Variants in GRIK5 observed in about 807,000 individuals in gnomAD.
GRIK5 encodes the protein glutamate ionotropic receptor kainate type subunit 5.
Under a neutral mutation model 97.4 loss-of-function variants are expected in GRIK5, and 43 were observed. The observed-to-expected ratio is 0.44, with a 90% CI of 0.35 to 0.57. GRIK5 has a LOEUF of 0.57. Among genes scored for constraint, GRIK5 ranks in the 20% least tolerant of loss-of-function variants. The pLI is 0.01. For synonymous variants in GRIK5, 580 were observed against 583.5 expected (o/e 0.99, Z 0.09); for missense variants, 1,015 against 1,382.0 (o/e 0.73, Z 4.21).
chr19:42,011,867 A>G (rs2075566895), intron 15 of GRIK5, among the ~76,000 whole-genome samples: 1 of 151,688 alleles, frequency 6.6e-6, no homozygotes, highest in African/African-American at 2.4e-5. Flanking sequence ...CTAGCTACAC[A>G]GGAGGCTGAG....
chr19:42,049,105 T>G (rs547192922), intron 11 of GRIK5, among the ~76,000 whole-genome samples: 30 of 152,228 alleles, frequency 2.0e-4, no homozygotes, highest in Non-Finnish European at 3.2e-4. Context: ...CCCTTCCTGA[T>G]CATTAGGGAA....
At chr19:42,053,510 G>C in intron 11 of GRIK5, 92 bp downstream of exon 11, 1 of 801,890 alleles carries the variant, frequency 1.2e-6, no homozygotes, top group Non-Finnish European at 2.2e-6. Flanking sequence ...CCTATGCGCT[G>C]TGCCAGCCAA....
intron 15 of GRIK5, among the ~76,000 whole-genome samples, chr19:42,010,403 A>T (rs2075547428): frequency 1.3e-5 from 2 of 152,226 alleles, no homozygotes. Flanking sequence ...AGCAATAAAG[A>T]GAAACATCTT....
chr19:42,059,404 A>C lies in GRIK5; in HGVS notation c.632T>G (p.Val211Gly), dbSNP rs1272345163. Residue 211 changes from valine to glycine, a missense_variant, in exon 6 of 20, where the codon GTG (valine) becomes GGG (glycine). By Grantham distance (109) the Val-to-Gly change is moderately radical (BLOSUM62 -3). Coordinates refer to ENST00000593562, the MANE Select transcript of GRIK5 (RefSeq NM_002088.5). ...PLLKEIRDDK[V>G]STIIIDANAS... is the part of the protein sequence containing the mutation. ...GTTGGCGTCGATGATGATGGTGGAC[A>C]CCTTGTCATCACGGATCTCCTTGAG... 6.2e-7 allele frequency: 1 copy of C among 1,613,668 alleles called. No individual in the cohort carries two copies.
At chr19:42,031,611 A>T (rs548340348) in intron 12 of GRIK5, among the ~76,000 whole-genome samples, 1 of 152,340 alleles carries the variant, frequency 6.6e-6, no homozygotes, top group Admixed American at 6.5e-5. Flanking sequence ...TCAAAATGAT[A>T]TGCCATCCAT....
chr19:42,006,841 G>A lies in GRIK5; in HGVS notation c.1872-31C>T, dbSNP rs1412573119. On this transcript the variant is annotated intron_variant, in intron 15 of 19. Transcript: ENST00000593562. The surrounding 1 kb of genome is among the most constrained non-coding windows in gnomAD (Gnocchi z 5.3). ...GGGTGGGAGGGGTGAGTCACGGGCTGGAGTCACCCCTGCTGACCTGCCCCC... is the reference window on the plus strand; with the variant it reads ...GGGTGGGAGGGGTGAGTCACGGGCTAGAGTCACCCCTGCTGACCTGCCCCC... 5 of 1,544,974 alleles carry A rather than the reference G, an allele frequency of 3.2e-6. No homozygotes were observed. In the East Asian group the frequency reaches 1.1e-4, roughly 35 times the overall value.
At chr19:42,035,391 T>C (rs1343410642) in intron 12 of GRIK5, among the ~76,000 whole-genome samples, 1 of 152,132 alleles carries the variant, frequency 6.6e-6, no homozygotes, top group South Asian at 2.1e-4. Flanking sequence ...TAGTAAGATA[T>C]CATTTTTGCA....
At chr19:42,024,560 T>C (rs2075745578) in intron 12 of GRIK5, among the ~76,000 whole-genome samples, 1 of 152,106 alleles carries the variant, frequency 6.6e-6, no homozygotes, top group South Asian at 2.1e-4. Flanking sequence ...ACTCAGGTGC[T>C]TGGTAATAGG....
At position 42,054,430 on chromosome 19, in the gene GRIK5, TCAC is replaced by T. The variant is rs767145885; in HGVS notation, c.943_945del (p.Val315del). 1 of 1,613,416 alleles carries T rather than the reference TCAC, an allele frequency of 6.2e-7. No individual in the cohort carries two copies. Among genetic ancestry groups the T allele is most frequent in the Non-Finnish European group, 8.5e-7 (1 of 1,180,000 alleles). On this transcript the variant is annotated inframe_deletion, in exon 9 of 20. Coordinates refer to ENST00000593562, the MANE Select transcript of GRIK5 (RefSeq NM_002088.5). The stretch of plus-strand genomic sequence containing the variant: ...CTGCGGTTCAGCTCTCGGACAGCGC[TCAC>T]CACCACGTGCACGGCGTCAAACATC...
intron 6 of GRIK5, 136 bp from the exon 7 acceptor site, chr19:42,057,114 A>C: frequency 1.4e-6 from 1 of 711,714 alleles, no homozygotes; most frequent in East Asian, 2.7e-5. Context: ...ACAGTAAAGT[A>C]ATAAATGCTC....
At chr19:42,018,432 G>A (rs1357305194) in intron 15 of GRIK5, among the ~76,000 whole-genome samples, 1 of 151,434 alleles carries the variant, frequency 6.6e-6, no homozygotes, top group African/African-American at 2.5e-5. Context: ...ACCCAGGTGA[G>A]TGGATCACTT....
rs2075719352 is a variant in GRIK5, at chr19:42,022,875, A to T, written c.1474-521T>A. ...GCCCCGGCCCAGTGTATAGTCAGGG[A>T]GATAGGGCACAAGCCCCAAACAGCA... is the stretch of plus-strand genomic sequence containing the variant. On this transcript the variant is annotated intron_variant, in intron 12 of 19. Coordinates refer to ENST00000593562, the MANE Select transcript of GRIK5 (RefSeq NM_002088.5). This position sits in a 1 kb window ranked among gnomAD's most constrained non-coding sequence, Gnocchi z 4.2. 6.6e-6 allele frequency among the ~76,000 whole-genome samples: 1 copy of T among 152,000 alleles called. No individual in the cohort carries two copies. Among genetic ancestry groups the T allele is most frequent in the African/African-American group, 2.4e-5 (1 of 41,382 alleles).
rs774052622 is a variant in GRIK5, at chr19:42,065,678, C to G, written c.79+14G>C. ...GGCCTGAGGATGCAGGGGCAGGGTG[C>G]GGGAGGGCCTCACCCATGCGCAGTG... On this transcript the variant is annotated intron_variant, in intron 2 of 19. Coordinates refer to ENST00000593562, the MANE Select transcript of GRIK5 (RefSeq NM_002088.5). The surrounding 1 kb of genome is among the most constrained non-coding windows in gnomAD (Gnocchi z 5.8). The G allele has an allele frequency of 2.6e-6, 4 of 1,560,146 alleles. No individual in the cohort carries two copies. In the South Asian group the frequency reaches 4.7e-5, roughly 18 times the overall value.
chr19:42,022,780 G>C lies in GRIK5; in HGVS notation c.1474-426C>G, dbSNP rs2075717917. ...GCAGGGAGAGAGGAGGCAGGGCCCAGAAATGACCCCGGGTGGGGAGGAAGG... is the reference window on the plus strand; with the variant it reads ...GCAGGGAGAGAGGAGGCAGGGCCCACAAATGACCCCGGGTGGGGAGGAAGG... On this transcript the variant is annotated intron_variant, in intron 12 of 19. Coordinates refer to ENST00000593562, the MANE Select transcript of GRIK5 (RefSeq NM_002088.5). This position sits in a 1 kb window ranked among gnomAD's most constrained non-coding sequence, Gnocchi z 4.2. The C allele has an allele frequency of 2.0e-6, 1 of 503,514 alleles. No homozygotes were observed. The highest frequency in any genetic ancestry group is 6.4e-5 in the Admixed American group (1 of 15,520). The allele number at this position is 503,514 out of a possible 1,614,324, so 31.2% of individuals were successfully genotyped here.
At chr19:42,069,056 G>A in intron 1 of GRIK5, 185 bp downstream of exon 1, 1 of 463,296 alleles carries the variant, frequency 2.2e-6, no homozygotes, top group Non-Finnish European at 3.8e-6. Flanking sequence ...CAGAAGAAGA[G>A]GTGAGAAGAG....
Position 42,062,817 on chromosome 19 carries a change from C to T in GRIK5, c.283G>A (p.Gly95Arg). The T allele has an allele frequency of 6.2e-7, 1 of 1,614,026 alleles. No homozygotes were observed. The highest frequency in any genetic ancestry group is 8.5e-7 in the Non-Finnish European group (1 of 1,179,880). ...GCAGATGCTGGGCTAGAGGAGGGCC[C>T]AAGGACAGACACAACCCCTTTGGGT... ...ILPKGVVSVL[G>R]PSSSPASAST... is the part of the protein sequence containing the mutation. Residue 95 changes from glycine to arginine, a missense_variant, in exon 4 of 20, where the codon GGG (glycine) becomes AGG (arginine). Transcript: ENST00000593562. This position sits in a 1 kb window ranked among gnomAD's most constrained non-coding sequence, Gnocchi z 5.3.
chr19:42,064,011 TG>T (rs2076294676), intron 3 of GRIK5, among the ~76,000 whole-genome samples: 1 of 152,182 alleles, frequency 6.6e-6, no homozygotes, highest in African/African-American at 2.4e-5. Flanking sequence ...TGCCTGGAAA[TG>T]GTCCTTGCCT....
Position 42,021,515 on chromosome 19 carries a change from C to A in GRIK5, c.1698-41G>T. ...CAGCGTGTGGATGGGGCCCAGAGCC[C>A]AGGTGGGGAGGAAAAGGAAAGAAGC... On this transcript the variant is annotated intron_variant, in intron 14 of 19. Coordinates refer to ENST00000593562, the MANE Select transcript of GRIK5 (RefSeq NM_002088.5). The surrounding 1 kb of genome is among the most constrained non-coding windows in gnomAD (Gnocchi z 4.2). The A allele has an allele frequency of 6.8e-7, 1 of 1,465,144 alleles. No homozygotes were observed. Among genetic ancestry groups the A allele is most frequent in the Non-Finnish European group, 9.1e-7 (1 of 1,101,972 alleles). 90.8% of individuals were successfully genotyped at this position (1,465,144 alleles called of 1,614,324 possible).
chr19:42,056,848 G>A, intron 7 of GRIK5, 25 bp from the exon 8 acceptor site: 2 of 1,613,900 alleles, frequency 1.2e-6, no homozygotes, highest in Non-Finnish European at 1.7e-6. Context: ...AGGTGGTGAG[G>A]CCTGGGGCTA....
Sources: gnomAD v4.1 joint callset for allele counts (sites outside exome capture counted in the v4.1 genomes callset) on GRCh38, gnomAD v4.1.1 for gene constraint, Gnocchi (gnomAD v3.1) non-coding constraint, MANE v1.5 for transcripts, NCBI Gene and HGNC (gene_info 2026-07-23, HGNC 2026-07-21) for gene names.